The following TRPM6 variants were observed in gnomAD, a reference collection of about 807,000 sequenced individuals.
TRPM6 encodes the protein channel kinase 2.
Under a neutral mutation model 247.6 loss-of-function variants are expected in TRPM6, and 111 were observed. That is an observed-to-expected ratio of 0.45 (90% CI 0.38 to 0.52). TRPM6 has a LOEUF of 0.52. Among genes scored for constraint, TRPM6 ranks in the 20% least tolerant of loss-of-function variants. TRPM6 has a pLI of 0.00. For synonymous variants in TRPM6, 892 were observed against 853.8 expected (o/e 1.04, Z -0.78); for missense variants, 2,126 against 2,421.5 (o/e 0.88, Z 2.56).
At chr9:74,873,454 A>C (rs534587319) in intron 1 of TRPM6, among the ~76,000 whole-genome samples, 83 of 152,344 alleles carry the variant, frequency 5.4e-4, no homozygotes, top group African/African-American at 1.8e-3. Context: ...TGGGCAGCAC[A>C]TATACTAAAA....
Position 74,755,253 on chromosome 9 carries a change from C to G in TRPM6, c.4906+100G>C, listed in dbSNP as rs551695917. On this transcript the variant is annotated intron_variant, in intron 28 of 38. Transcript: ENST00000360774. ...TAGCCATCTTCTCTTTCCCTCATCT[C>G]CATGTGAAAGAACAGGAGGAACCGC... is the stretch of plus-strand genomic sequence containing the variant. The G allele has an allele frequency of 2.9e-5, 36 of 1,245,800 alleles. No homozygotes were observed. The East Asian group carries it at 7.4e-4, about 26-fold the overall frequency. The allele number at this position is 1,245,800 out of a possible 1,614,324, so 77.2% of individuals were successfully genotyped here.
chr9:74,804,864 A>C (rs866015675), intron 14 of TRPM6: 5 of 407,420 alleles, frequency 1.2e-5, no homozygotes, highest in African/African-American at 8.2e-5. Context: ...CCGAAGCACA[A>C]AAAATCCCAA....
intron 30 of TRPM6, among the ~76,000 whole-genome samples, chr9:74,749,998 G>C (rs1826186167): frequency 6.6e-6 from 1 of 152,162 alleles, no homozygotes; most frequent in Non-Finnish European, 1.5e-5. Flanking sequence ...AACTAGGAAA[G>C]TCCAGAAAAT....
At chr9:74,867,523 C>T (rs190848308) in intron 1 of TRPM6, among the ~76,000 whole-genome samples, 2 of 152,294 alleles carry the variant, frequency 1.3e-5, no homozygotes, top group Admixed American at 1.3e-4. Flanking sequence ...ATCTGGTACT[C>T]AACTGAAGAA....
chr9:74,855,424 T>G (rs1830494429), intron 3 of TRPM6, 103 bp downstream of exon 3: 1 of 846,810 alleles, frequency 1.2e-6, no homozygotes, highest in Non-Finnish European at 2.1e-6. Context: ...GTAAATGGCA[T>G]GCACCATTTA....
intron 25 of TRPM6, among the ~76,000 whole-genome samples, chr9:74,770,077 A>AT: frequency 6.6e-6 from 1 of 152,266 alleles, no homozygotes; most frequent in Non-Finnish European, 1.5e-5. Flanking sequence ...TTGATATTCA[A>AT]TTTTTTCTCC....
intron 37 of TRPM6, among the ~76,000 whole-genome samples, chr9:74,731,672 G>C (rs1420768207): frequency 6.7e-6 from 1 of 149,108 alleles, no homozygotes; most frequent in Non-Finnish European, 1.5e-5. Context: ...AGATTTTATT[G>C]ATTGCCCACT....
intron 5 of TRPM6, among the ~76,000 whole-genome samples, chr9:74,838,678 C>T (rs1275768573): frequency 6.6e-6 from 1 of 152,118 alleles, no homozygotes; most frequent in African/African-American, 2.4e-5. Context: ...GTGAGTAGCT[C>T]TAGTTGAGAT....
At chr9:74,789,960 C>CAAAAAAAA (rs71368680) in intron 19 of TRPM6, among the ~76,000 whole-genome samples, 1 of 65,112 alleles carries the variant, frequency 1.5e-5, no homozygotes, top group Non-Finnish European at 2.8e-5. Context: ...GACTCCATCT[C>CAAAAAAAA]AAAAAAAAAA....
intron 38 of TRPM6, among the ~76,000 whole-genome samples, chr9:74,726,620 G>A (rs1426394201): frequency 1.3e-5 from 2 of 152,224 alleles, no homozygotes; most frequent in Non-Finnish European, 1.5e-5. Context: ...GAAGTAGTGA[G>A]TTCTGTCTCA....
chr9:74,760,131 G>C (rs752509265), intron 27 of TRPM6, among the ~76,000 whole-genome samples: 2 of 152,124 alleles, frequency 1.3e-5, no homozygotes, highest in Non-Finnish European at 2.9e-5. Flanking sequence ...TAAATTTAGT[G>C]TAGCCTAAAT....
At chr9:74,756,122 G>T (rs983917820) in intron 27 of TRPM6, among the ~76,000 whole-genome samples, 5 of 152,172 alleles carry the variant, frequency 3.3e-5, no homozygotes, top group African/African-American at 9.7e-5. Flanking sequence ...GCAATTTCTA[G>T]TTGAACTCTG....
At chr9:74,846,319 C>T (rs1830106599) in intron 3 of TRPM6, among the ~76,000 whole-genome samples, 1 of 152,102 alleles carries the variant, frequency 6.6e-6, no homozygotes, top group African/African-American at 2.4e-5. Flanking sequence ...AATTAAAGCT[C>T]ATTCTCTTCT....
At chr9:74,804,135 C>T (rs185855590) in intron 14 of TRPM6, among the ~76,000 whole-genome samples, 1 of 152,330 alleles carries the variant, frequency 6.6e-6, no homozygotes, top group East Asian at 1.9e-4. Context: ...AGAGAACACA[C>T]TCTTTTGTTC....
In TRPM6 at chr9:74,744,137, C is replaced by T. The variant is rs1338519178; in HGVS notation, c.5092G>A (p.Ala1698Thr). Residue 1698 changes from alanine to threonine, a missense_variant, in exon 32 of 39, where the codon GCC becomes ACC. Around this residue, in one of 3 missense-constraint regions of TRPM6, gnomAD observed 327 missense variants for 397.7 expected, o/e 0.82. Transcript: ENST00000360774. ...KSSIGVDKISASLKSPQEPHH... is the reference protein window; with the variant it reads ...KSSIGVDKISTSLKSPQEPHH... ...GGCTCTTGAGGGCTTTTTAAGGAGG[C>T]TGAGATCTCTGAAATTAGAGAGGAG... The T allele has an allele frequency of 2.5e-6, 4 of 1,613,950 alleles. No homozygotes were observed. In the South Asian group the frequency reaches 3.3e-5, roughly 13 times the overall value.
chr9:74,867,600 GT>G, intron 1 of TRPM6, among the ~76,000 whole-genome samples: 1 of 152,126 alleles, frequency 6.6e-6, no homozygotes, highest in East Asian at 1.9e-4. Context: ...CTTTTCAAGG[GT>G]AGTTTGGAAT....
rs576927393 is a variant in TRPM6 at position 74,834,501 on chromosome 9, A to G, written c.545-379T>C. ...TATTATACTTTAAGTTCTAGGGTAC[A>G]TGCGCACAACGAGTGGGTTTGTTAC... On this transcript the variant is annotated intron_variant, in intron 5 of 38. Transcript: ENST00000360774. 6.7e-4 allele frequency among the ~76,000 whole-genome samples: 102 copies of G among 151,712 alleles called. 1 individual carries two copies. Among genetic ancestry groups the G allele is most frequent in the Non-Finnish European group, 1.5e-3 (99 of 68,012 alleles).
chr9:74,849,394 G>A (rs187438893), intron 3 of TRPM6, among the ~76,000 whole-genome samples: 77 of 149,368 alleles, frequency 5.2e-4, no homozygotes, highest in African/African-American at 1.8e-3. Flanking sequence ...TAAGTCATAA[G>A]GATGAAGGAT....
chr9:74,814,378 A>G (rs1828851827), intron 11 of TRPM6, among the ~76,000 whole-genome samples: 1 of 152,198 alleles, frequency 6.6e-6, no homozygotes, highest in East Asian at 1.9e-4. Flanking sequence ...AAGATCTAGT[A>G]TTTGATAGCA....
Sources: gnomAD v4.1 joint callset for allele counts (sites outside exome capture counted in the v4.1 genomes callset) on GRCh38, gnomAD v4.1.1 for gene constraint, gnomAD v4.1.1 regional missense constraint, MANE v1.5 for transcripts, NCBI Gene and HGNC (gene_info 2026-07-23, HGNC 2026-07-21) for gene names.